The following GABRA4 variants were observed in gnomAD, a reference collection of about 807,000 sequenced individuals.
The protein encoded by GABRA4 is gamma-aminobutyric acid type A receptor subunit alpha4.
A neutral mutation model predicts 49.7 loss-of-function variants in GABRA4; 12 were observed. That is an observed-to-expected ratio of 0.24 (90% CI 0.15 to 0.39). The LOEUF (loss-of-function observed/expected upper bound fraction) is 0.39, where lower values mean the gene tolerates loss of function less well. Ranked by LOEUF, GABRA4 falls within the 10% of genes least tolerant of loss-of-function variation. The pLI is 1.00. For synonymous variants in GABRA4, 288 were observed against 240.2 expected, an observed-to-expected ratio of 1.20 and a Z score of -1.84; for missense variants, 506 against 686.0, an observed-to-expected ratio of 0.74 and a Z score of 2.93.
At chr4:46,934,464 T>C (rs1017912015) in intron 8 of GABRA4, among the ~76,000 whole-genome samples, 1 of 152,176 alleles carries the variant, frequency 6.6e-6, no homozygotes, top group African/African-American at 2.4e-5. Context: ...ACCAAGGCAC[T>C]CTATCATATA....
rs762676686 is a variant in GABRA4 at position 46,977,570 on chromosome 4, C to A, written c.334G>T (p.Gly112Cys). The A allele has an allele frequency of 6.2e-7, 1 of 1,612,996 alleles. No homozygotes were observed. The highest frequency in any genetic ancestry group is 8.5e-7 in the Non-Finnish European group (1 of 1,179,400). ...TWIDKRLKYDGPIEILRLNNM... is the reference protein window; with the variant it reads ...TWIDKRLKYDCPIEILRLNNM... ...TTCAATCTCAAAATTTCAATGGGGC[C>A]GTCATATTTTAATCTTTTGTCAATC... Residue 112 changes from glycine (G) to cysteine (C), a missense_variant, in exon 4 of 9, where the codon GGC becomes TGC. This residue lies in a region of GABRA4 where 195 missense variants were observed against 326.0 expected (regional missense o/e 0.60). Coordinates refer to ENST00000264318, the MANE Select transcript of GABRA4 (RefSeq NM_000809.4).
At chr4:46,931,105 G>A (rs1052324910) in intron 8 of GABRA4, among the ~76,000 whole-genome samples, 8 of 151,974 alleles carry the variant, frequency 5.3e-5, no homozygotes, top group African/African-American at 1.9e-4. Flanking sequence ...TCCCCATTGA[G>A]TATTTTACTA....
intron 8 of GABRA4, among the ~76,000 whole-genome samples, chr4:46,944,002 T>C (rs1577754679): frequency 6.6e-6 from 1 of 151,952 alleles, no homozygotes; most frequent in Admixed American, 6.6e-5. Flanking sequence ...GGAGATGTTG[T>C]TTAAAGGGTA....
At chr4:46,993,140 C>T (rs563747661) in intron 1 of GABRA4, among the ~76,000 whole-genome samples, 194 bp from the exon 2 acceptor site, 1 of 152,308 alleles carries the variant, frequency 6.6e-6, no homozygotes, top group East Asian at 1.9e-4. Flanking sequence ...CCCCAGTGCC[C>T]ACACGCCTCT....
intron 6 of GABRA4, among the ~76,000 whole-genome samples, chr4:46,972,675 C>T (rs192935091): frequency 6.6e-6 from 1 of 151,752 alleles, no homozygotes; most frequent in African/African-American, 2.4e-5. Context: ...ACTATATGCA[C>T]TCTGCTATGC....
chr4:46,960,568 A>C (rs1212258915), intron 8 of GABRA4, among the ~76,000 whole-genome samples: 1 of 151,746 alleles, frequency 6.6e-6, no homozygotes, highest in Non-Finnish European at 1.5e-5. Context: ...AATACTAATA[A>C]AAATTAACAA....
intron 6 of GABRA4, among the ~76,000 whole-genome samples, chr4:46,973,361 C>T (rs771122508): frequency 1.1e-4 from 16 of 151,652 alleles, no homozygotes; most frequent in Non-Finnish European, 2.1e-4. Flanking sequence ...GCACCCACTC[C>T]CTACACCTTT....
At chr4:46,959,758 C>CAAAA (rs67861758) in intron 8 of GABRA4, among the ~76,000 whole-genome samples, 1,285 of 82,412 alleles carry the variant, frequency 0.016, 32 homozygotes, top group South Asian at 0.018. Flanking sequence ...CATCACTTTG[C>CAAAA]AAAAAAAAAA....
intron 7 of GABRA4, among the ~76,000 whole-genome samples, chr4:46,966,008 C>G (rs1275562813): frequency 6.8e-6 from 1 of 148,104 alleles, no homozygotes; most frequent in Non-Finnish European, 1.5e-5. Context: ...GCTTCTGAAG[C>G]ACCACATCCA....
Position 46,926,880 on chromosome 4 carries a change from C to A in GABRA4, c.*1345G>T, listed in dbSNP as rs1402170503. ...CCGACAGCTATTTTTTTCTTTACTCCTTTCATTTGCTGCTCTCTTAATTTT... is the reference window on the plus strand; with the variant it reads ...CCGACAGCTATTTTTTTCTTTACTCATTTCATTTGCTGCTCTCTTAATTTT... On this transcript the variant is annotated 3_prime_UTR_variant, in exon 9 of 9. Coordinates refer to ENST00000264318, the MANE Select transcript of GABRA4 (RefSeq NM_000809.4). 6.6e-6 allele frequency: 1 copy of A among 151,820 alleles called. No individual in the cohort carries two copies. The highest frequency in any genetic ancestry group is 2.4e-5 in the African/African-American group (1 of 41,370). The allele number at this position is 151,820 out of a possible 1,614,324, so 9.4% of individuals were successfully genotyped here.
intron 8 of GABRA4, among the ~76,000 whole-genome samples, chr4:46,941,490 T>C (rs937234580): frequency 3.9e-5 from 6 of 152,116 alleles, no homozygotes; most frequent in African/African-American, 1.4e-4. Flanking sequence ...CTCTAGCATA[T>C]AGTAAATGAT....
chr4:46,989,910 G>T (rs564481762), intron 2 of GABRA4, among the ~76,000 whole-genome samples: 68 of 152,198 alleles, frequency 4.5e-4, no homozygotes, highest in Admixed American at 9.8e-4. Context: ...CATCTGATTT[G>T]TGGTATCTAA....
chr4:46,984,420 G>A (rs1005961220), intron 2 of GABRA4, among the ~76,000 whole-genome samples: 2 of 151,880 alleles, frequency 1.3e-5, no homozygotes, highest in African/African-American at 4.8e-5. Context: ...ACTAAACACA[G>A]ACAAGAGATA....
intron 8 of GABRA4, among the ~76,000 whole-genome samples, chr4:46,950,729 A>AATTAATTAATT (rs1722141999): frequency 1.5e-5 from 2 of 134,002 alleles, no homozygotes; most frequent in South Asian, 5.6e-4. Context: ...ATAAATAAAT[A>AATTAATTAATT]AATAAATAAA....
At chr4:46,974,171 A>T in intron 6 of GABRA4, 61 bp downstream of exon 6, 3 of 1,506,962 alleles carry the variant, frequency 2.0e-6, no homozygotes, top group East Asian at 2.3e-5. Context: ...TGAAAAAGTC[A>T]GGAGAAAACT....
intron 8 of GABRA4, among the ~76,000 whole-genome samples, chr4:46,934,535 T>A (rs1721541792): frequency 6.6e-6 from 1 of 152,202 alleles, no homozygotes; most frequent in African/African-American, 2.4e-5. Context: ...TTTAATTTCC[T>A]CCCAATGTTG....
At chr4:46,945,484 G>T (rs1205340406) in intron 8 of GABRA4, among the ~76,000 whole-genome samples, 2 of 152,180 alleles carry the variant, frequency 1.3e-5, no homozygotes, top group East Asian at 3.9e-4. Flanking sequence ...TGTTTAACAA[G>T]GACTGGTTTT....
At chr4:46,973,657 A>G (rs939445544) in intron 6 of GABRA4, among the ~76,000 whole-genome samples, 14 of 151,896 alleles carry the variant, frequency 9.2e-5, no homozygotes, top group Non-Finnish European at 1.6e-4. Flanking sequence ...TCCACTAAAT[A>G]TGATTAAAAA....
chr4:46,984,709 G>A (rs1030593129), intron 2 of GABRA4, among the ~76,000 whole-genome samples: 3 of 151,998 alleles, frequency 2.0e-5, no homozygotes, highest in African/African-American at 7.2e-5. Flanking sequence ...AAAACATAGT[G>A]AGAATCAGAA....
Sources: gnomAD v4.1 joint callset for allele counts (sites outside exome capture counted in the v4.1 genomes callset) on GRCh38, gnomAD v4.1.1 for gene constraint, gnomAD v4.1.1 regional missense constraint, MANE v1.5 for transcripts, NCBI Gene and HGNC (gene_info 2026-07-23, HGNC 2026-07-21) for gene names.